The following PRKN variants were observed in gnomAD, a reference collection of about 807,000 sequenced individuals.
PRKN encodes E3 ubiquitin-protein ligase parkin.
In PRKN, 56 loss-of-function variants were observed where a neutral mutation model predicts 59.5. The ratio of observed to expected loss-of-function variants is 0.94; its 90% CI spans 0.76 to 1.18. The LOEUF is 1.18. PRKN is among the 50% of genes most tolerant of loss of function. The pLI is 0.00. For missense variants in PRKN, 657 were observed against 596.4 expected, an observed-to-expected ratio of 1.10 and a Z score of -1.06; for synonymous variants, 250 against 222.1, an observed-to-expected ratio of 1.13 and a Z score of -1.12.
At chr6:162,014,266 C>A (rs940646713) in intron 5 of PRKN, among the ~76,000 whole-genome samples, 2 of 152,174 alleles carry the variant, frequency 1.3e-5, no homozygotes, top group Non-Finnish European at 2.9e-5. Context: ...AGCTGCCCTC[C>A]CACATGGGAT....
intron 2 of PRKN, among the ~76,000 whole-genome samples, chr6:162,400,815 A>G (rs999880410): frequency 6.6e-6 from 1 of 152,202 alleles, no homozygotes; most frequent in African/African-American, 2.4e-5. Flanking sequence ...ACTGCATATC[A>G]GGCCCCAATA....
intron 6 of PRKN, among the ~76,000 whole-genome samples, chr6:161,917,552 T>C (rs1778617155): frequency 6.6e-6 from 1 of 152,208 alleles, no homozygotes; most frequent in Non-Finnish European, 1.5e-5. Context: ...ATGATGACAA[T>C]ACAATTCTTA....
chr6:162,688,383 T>C (rs1777646359), intron 1 of PRKN, among the ~76,000 whole-genome samples: 1 of 152,182 alleles, frequency 6.6e-6, no homozygotes, highest in African/African-American at 2.4e-5. Flanking sequence ...GGTGTATACA[T>C]ATGGAATATT....
intron 6 of PRKN, among the ~76,000 whole-genome samples, chr6:161,862,608 TAA>T (rs539340319): frequency 6.8e-5 from 10 of 147,888 alleles, no homozygotes; most frequent in African/African-American, 2.0e-4. Flanking sequence ...AGTAACGGGG[TAA>T]AAAAAAAAGA....
intron 3 of PRKN, among the ~76,000 whole-genome samples, chr6:162,262,272 C>T (rs898993966): frequency 6.6e-6 from 1 of 152,100 alleles, no homozygotes; most frequent in Non-Finnish European, 1.5e-5. Flanking sequence ...TAGAATTTTT[C>T]TACATCACTA....
At chr6:161,991,095 T>TA (rs1781629363) in intron 5 of PRKN, among the ~76,000 whole-genome samples, 1 of 152,122 alleles carries the variant, frequency 6.6e-6, no homozygotes, top group Non-Finnish European at 1.5e-5. Context: ...AATAGGATGA[T>TA]ATAGAGTGCT....
At chr6:161,698,113 A>G (rs565890343) in intron 7 of PRKN, among the ~76,000 whole-genome samples, 1 of 152,312 alleles carries the variant, frequency 6.6e-6, no homozygotes, top group African/African-American at 2.4e-5. Context: ...TTGTGATTAG[A>G]TTGAAGGAGT....
intron 9 of PRKN, among the ~76,000 whole-genome samples, chr6:161,507,773 AAC>A (rs1431342230): frequency 3.9e-5 from 6 of 152,042 alleles, no homozygotes; most frequent in Non-Finnish European, 2.9e-5. Context: ...CCCTCACTAA[AAC>A]CTCCTTAAAC....
rs1441702231 is a variant in PRKN at position 161,373,555 on chromosome 6, C to T, written c.1167+13239G>A. On this transcript the variant is annotated intron_variant, in intron 10 of 11. Coordinates refer to ENST00000366898, the MANE Select transcript of PRKN (RefSeq NM_004562.3). This position sits in a 1 kb window ranked among gnomAD's most constrained non-coding sequence, Gnocchi z 4.8. ...TAAACGAGCTATGCCTCTGTGTTTG[C>T]AGGGGTGCTGAGTTTAAATGTGCTA... Among the ~76,000 whole-genome samples, 1 of 151,884 alleles carries T rather than the reference C, an allele frequency of 6.6e-6. No homozygotes were observed. Among genetic ancestry groups the T allele is most frequent in the African/African-American group, 2.4e-5 (1 of 41,308 alleles).
At chr6:162,665,153 A>T (rs1027866357) in intron 1 of PRKN, among the ~76,000 whole-genome samples, 2 of 152,126 alleles carry the variant, frequency 1.3e-5, no homozygotes, top group African/African-American at 4.8e-5. Flanking sequence ...CACCACTCCT[A>T]TTCAACATAG....
intron 3 of PRKN, among the ~76,000 whole-genome samples, chr6:162,216,995 A>G (rs773093871): frequency 1.3e-5 from 2 of 152,184 alleles, no homozygotes; most frequent in Non-Finnish European, 2.9e-5. Context: ...ACTTAGTTCT[A>G]CTTTAATACT....
intron 7 of PRKN, among the ~76,000 whole-genome samples, chr6:161,772,101 TA>T (rs1789715840): frequency 1.3e-5 from 2 of 152,182 alleles, no homozygotes; most frequent in African/African-American, 4.8e-5. Context: ...AGGCTCTGAA[TA>T]GACGCCTGTG....
intron 1 of PRKN, among the ~76,000 whole-genome samples, chr6:162,676,790 C>G (rs535709590): frequency 1.3e-5 from 2 of 152,124 alleles, no homozygotes; most frequent in Admixed American, 1.3e-4. Context: ...TGGCTGGACG[C>G]GGTGGCTCAC....
intron 1 of PRKN, among the ~76,000 whole-genome samples, chr6:162,537,828 G>A (rs1236298327): frequency 1.3e-5 from 2 of 152,120 alleles, no homozygotes; most frequent in Non-Finnish European, 2.9e-5. Context: ...ATGTGTATGT[G>A]GGATGCTTTA....
At chr6:161,818,594 T>C (rs1791889712) in intron 6 of PRKN, among the ~76,000 whole-genome samples, 1 of 152,020 alleles carries the variant, frequency 6.6e-6, no homozygotes, top group Non-Finnish European at 1.5e-5. Flanking sequence ...TTGGACTCCC[T>C]AGTGCTGGGA....
intron 1 of PRKN, among the ~76,000 whole-genome samples, chr6:162,500,150 C>T (rs9347655): frequency 0.3 from 44,583 of 150,198 alleles, 7,108 homozygotes; most frequent in East Asian, 0.46. Flanking sequence ...CAAACAGCCA[C>T]AAACAGCCTT....
intron 3 of PRKN, among the ~76,000 whole-genome samples, chr6:162,238,070 A>C (rs1326830846): frequency 6.6e-6 from 1 of 152,206 alleles, no homozygotes; most frequent in Non-Finnish European, 1.5e-5. Flanking sequence ...TAATAATTAC[A>C]ATTGTACCAA....
At chr6:162,137,105 T>C (rs1340667872) in intron 4 of PRKN, among the ~76,000 whole-genome samples, 3 of 152,152 alleles carry the variant, frequency 2.0e-5, no homozygotes, top group African/African-American at 7.2e-5. Flanking sequence ...AAGAAAAATA[T>C]AGTAACATGA....
chr6:162,111,716 A>G (rs1405053268), intron 4 of PRKN, among the ~76,000 whole-genome samples: 1 of 151,602 alleles, frequency 6.6e-6, no homozygotes, highest in African/African-American at 2.4e-5. Flanking sequence ...AAAAAAAAAA[A>G]GGTGGAGAAA....
Sources: allele counts gnomAD v4.1 joint callset (sites outside exome capture counted in the v4.1 genomes callset), GRCh38; gene constraint gnomAD v4.1.1; non-coding constraint Gnocchi (gnomAD v3.1); transcripts MANE v1.5; gene names NCBI Gene and HGNC (gene_info 2026-07-23, HGNC 2026-07-21).